The following PPP2R2C variants were observed in gnomAD, a reference collection of about 807,000 sequenced individuals.
PPP2R2C encodes protein phosphatase 2, regulatory subunit B, gamma.
A neutral mutation model predicts 45.3 loss-of-function variants in PPP2R2C; 10 were observed. That is an observed-to-expected ratio of 0.22 (90% confidence interval 0.14 to 0.37). The LOEUF (loss-of-function observed/expected upper bound fraction) is 0.37. Ranked by LOEUF, PPP2R2C falls within the 10% of genes least tolerant of loss-of-function variation. PPP2R2C has a pLI of 1.00. For missense variants in PPP2R2C, 308 were observed against 619.7 expected, an observed-to-expected ratio of 0.50 and a Z score of 5.34; for synonymous variants, 257 against 245.4, an observed-to-expected ratio of 1.05 and a Z score of -0.44.
intron 2 of PPP2R2C, among the ~76,000 whole-genome samples, chr4:6,490,444 T>C (rs1439169629): frequency 6.6e-6 from 1 of 152,224 alleles, no homozygotes; most frequent in Non-Finnish European, 1.5e-5. Flanking sequence ...TATTCATTAA[T>C]TTTAAAAATG....
chr4:6,531,900 C>T (rs573078888), intron 2 of PPP2R2C, among the ~76,000 whole-genome samples: 5 of 152,272 alleles, frequency 3.3e-5, no homozygotes, highest in South Asian at 2.1e-4. Context: ...TGGCAGACAC[C>T]GGATGCCCCG....
intron 1 of PPP2R2C, among the ~76,000 whole-genome samples, chr4:6,392,646 A>G (rs1324860055): frequency 6.6e-6 from 1 of 152,198 alleles, no homozygotes; most frequent in Non-Finnish European, 1.5e-5. Context: ...GGGGCAGGAC[A>G]TGAGCTCAGA....
chr4:6,398,478 A>G (rs1717202341), intron 1 of PPP2R2C, among the ~76,000 whole-genome samples: 1 of 152,218 alleles, frequency 6.6e-6, no homozygotes, highest in Non-Finnish European at 1.5e-5. Context: ...AAATACAAGA[A>G]TGGTCAGGAA....
intron 1 of PPP2R2C, among the ~76,000 whole-genome samples, chr4:6,430,600 T>C (rs1719560786): frequency 6.6e-6 from 1 of 152,070 alleles, no homozygotes; most frequent in South Asian, 2.1e-4. Context: ...CAGGCCAACT[T>C]TGTAATCCTA....
intron 1 of PPP2R2C, among the ~76,000 whole-genome samples, chr4:6,462,410 C>T (rs913017865): frequency 4.6e-5 from 7 of 152,096 alleles, no homozygotes; most frequent in African/African-American, 1.2e-4. Flanking sequence ...ACCCGGGAGG[C>T]GGGGGTTTCA....
intron 2 of PPP2R2C, among the ~76,000 whole-genome samples, chr4:6,516,638 G>C (rs1410254311): frequency 6.6e-6 from 1 of 152,224 alleles, no homozygotes; most frequent in Non-Finnish European, 1.5e-5. Context: ...GGAGGAATTA[G>C]AACAGCATGG....
intron 3 of PPP2R2C, 26 bp from the exon 4 acceptor site, chr4:6,375,957 G>A (rs371545425): frequency 1.5e-5 from 23 of 1,574,606 alleles, no homozygotes; most frequent in Middle Eastern, 1.7e-4. Flanking sequence ...AAAATAAAGC[G>A]AGTCACATAA....
chr4:6,407,504 C>A lies in PPP2R2C; in HGVS notation c.71-26410G>T, dbSNP rs188449949. Among the ~76,000 whole-genome samples the A allele has an allele frequency of 9.2e-5, 14 of 152,316 alleles. 1 individual carries two copies. The East Asian group carries it at 2.7e-3, about 29-fold the overall frequency. On this transcript the variant is annotated intron_variant, in intron 1 of 8. Coordinates refer to ENST00000382599, the MANE Select transcript of PPP2R2C (RefSeq NM_020416.4). ...TCGCCTGCTGGGTTCAAGCGATTCT[C>A]CAGCTTCAGCCTCCCAAGTAGCTGG...
In PPP2R2C at chr4:6,525,982, C is replaced by G. The variant is rs544261863; in HGVS notation, c.49+9289G>C. On this transcript the variant is annotated intron_variant, in intron 2 of 9. Coordinates refer to the PPP2R2C transcript ENST00000506140. ...CTCCCAAAGTGCTGGGATTACAGCA[C>G]GTGAGCCACGTTGCCCAGCCCAGCA... Among the ~76,000 whole-genome samples the G allele has an allele frequency of 1.2e-4, 18 of 152,288 alleles. No individual in the cohort carries two copies. The East Asian group carries it at 2.1e-3, about 18-fold the overall frequency.
At chr4:6,472,107 G>T in intron 1 of PPP2R2C, 53 bp downstream of exon 1, 1 of 1,609,538 alleles carries the variant, frequency 6.2e-7, no homozygotes, top group Non-Finnish European at 8.5e-7. Context: ...TCGGTGCGAC[G>T]GCATCCCCAC....
rs576767101 is a variant in PPP2R2C at position 6,369,747 on chromosome 4, C to T, written c.625+2776G>A. 3.5e-3 allele frequency among the ~76,000 whole-genome samples: 538 copies of T among 152,242 alleles called. 1 individual carries two copies. Among genetic ancestry groups the T allele is most frequent in the African/African-American group, 0.011 (461 of 41,548 alleles). On this transcript the variant is annotated intron_variant, in intron 5 of 8. Transcript: ENST00000382599. The stretch of plus-strand genomic sequence containing the variant: ...GAAATTCCTTCTCTGGCTTCCTTGG[C>T]GGCCCCCACAGCAGCTTGTCCAGAC...
chr4:6,390,989 G>C (rs750373440), intron 1 of PPP2R2C, among the ~76,000 whole-genome samples: 3 of 152,208 alleles, frequency 2.0e-5, no homozygotes, highest in Non-Finnish European at 2.9e-5. Flanking sequence ...TGGGTGGGGA[G>C]AGTGGGGACA....
chr4:6,340,661 C>T (rs1035919460), intron 6 of PPP2R2C, among the ~76,000 whole-genome samples: 7 of 152,220 alleles, frequency 4.6e-5, no homozygotes, highest in African/African-American at 1.7e-4. Flanking sequence ...TGCGTGAACA[C>T]GCTAGCCCCC....
chr4:6,528,602 CT>C (rs2108820182), intron 2 of PPP2R2C, among the ~76,000 whole-genome samples: 1 of 152,362 alleles, frequency 6.6e-6, no homozygotes, highest in East Asian at 1.9e-4. Flanking sequence ...ATCACCCATC[CT>C]TACTGTCAGG....
At position 6,332,396 on chromosome 4, in the gene PPP2R2C, G is replaced by C. The variant is rs1448348876; in HGVS notation, c.960+1166C>G. Among the ~76,000 whole-genome samples the C allele has an allele frequency of 6.6e-6, 1 of 152,180 alleles. No homozygotes were observed. Among genetic ancestry groups the C allele is most frequent in the Non-Finnish European group, 1.5e-5 (1 of 68,028 alleles). On this transcript the variant is annotated intron_variant, in intron 7 of 8. Coordinates refer to ENST00000382599, the MANE Select transcript of PPP2R2C (RefSeq NM_020416.4). This position sits in a 1 kb window ranked among gnomAD's most constrained non-coding sequence, Gnocchi z 4.9. ...GAGGGAGGAGCTGGGGCAGTCGCAA[G>C]AACTCAAGTAAACACACGTGGCTGA... is the stretch of plus-strand genomic sequence containing the variant.
chr4:6,447,530 C>T (rs1199983047), intron 1 of PPP2R2C, among the ~76,000 whole-genome samples: 3 of 139,862 alleles, frequency 2.1e-5, no homozygotes, highest in African/African-American at 5.2e-5. Context: ...CACCCCCACC[C>T]CCACCCCACT....
intron 1 of PPP2R2C, among the ~76,000 whole-genome samples, chr4:6,416,828 C>T (rs978383623): frequency 1.3e-5 from 2 of 152,122 alleles, no homozygotes; most frequent in Non-Finnish European, 1.5e-5. Context: ...GCCTGCTGGG[C>T]TCCCTGTGTG....
chr4:6,490,082 T>C (rs1330233511), intron 2 of PPP2R2C, among the ~76,000 whole-genome samples: 2 of 152,134 alleles, frequency 1.3e-5, no homozygotes, highest in South Asian at 2.1e-4. Flanking sequence ...TTGCCAGCCA[T>C]GTGTGCAGCC....
intron 5 of PPP2R2C, among the ~76,000 whole-genome samples, chr4:6,356,074 G>A (rs534315209): frequency 6.6e-6 from 1 of 151,042 alleles, no homozygotes; most frequent in East Asian, 2.0e-4. Context: ...AAGTCCATCA[G>A]GAAGAACTTG....
Sources: allele counts gnomAD v4.1 joint callset (sites outside exome capture counted in the v4.1 genomes callset), GRCh38; gene constraint gnomAD v4.1.1; non-coding constraint Gnocchi (gnomAD v3.1); transcripts MANE v1.5; gene names NCBI Gene and HGNC (gene_info 2026-07-23, HGNC 2026-07-21).